SORCS1: variants seen among roughly 807,000 people sequenced by gnomAD.
The protein encoded by SORCS1 is VPS10 domain-containing receptor SorCS1.
SORCS1 carries 60 observed loss-of-function variants against 146.1 expected under a neutral mutation model. The ratio of observed to expected loss-of-function variants is 0.41; its 90% CI spans 0.33 to 0.51. The LOEUF is 0.51. Ranked by LOEUF, SORCS1 falls within the 20% of genes least tolerant of loss-of-function variation. SORCS1 has a pLI of 0.21. For synonymous variants in SORCS1, 637 were observed against 584.0 expected, an observed-to-expected ratio of 1.09 and a Z score of -1.31; for missense variants, 1,352 against 1,487.6, an observed-to-expected ratio of 0.91 and a Z score of 1.50.
chr10:106,777,316 T>C (rs569883434), intron 3 of SORCS1, among the ~76,000 whole-genome samples: 2 of 152,342 alleles, frequency 1.3e-5, no homozygotes, highest in East Asian at 3.9e-4. Flanking sequence ...TTGTTTCTTG[T>C]CTATATAACC....
At chr10:106,848,924 T>C (rs1383214663) in intron 2 of SORCS1, among the ~76,000 whole-genome samples, 2 of 150,276 alleles carry the variant, frequency 1.3e-5, no homozygotes, top group Non-Finnish European at 3.0e-5. Flanking sequence ...CCCACTCTCT[T>C]CTGGCTTGTA....
intron 1 of SORCS1, among the ~76,000 whole-genome samples, chr10:107,057,277 G>A (rs546792660): frequency 2.0e-5 from 3 of 152,206 alleles, no homozygotes; most frequent in East Asian, 3.9e-4. Context: ...CTTACAAGGG[G>A]CCATCATTAT....
At chr10:106,946,821 CT>C (rs1954369537) in intron 2 of SORCS1, among the ~76,000 whole-genome samples, 1 of 152,190 alleles carries the variant, frequency 6.6e-6, no homozygotes, top group African/African-American at 2.4e-5. Context: ...CAATTATTTA[CT>C]TATATGCTTA....
At chr10:106,620,356 C>T in intron 20 of SORCS1, 72 bp downstream of exon 20, 1 of 1,547,686 alleles carries the variant, frequency 6.5e-7, no homozygotes, top group Non-Finnish European at 8.8e-7. Context: ...TAAGCCATTT[C>T]ATTCCCTCCT....
Position 106,858,841 on chromosome 10 carries a change from G to A in SORCS1, c.627-29168C>T, listed in dbSNP as rs560147896. ...TTCATCTTTTTAGGAGCAAATTGGA[G>A]TACTATCCTTCACTAGATGATGTCC... On this transcript the variant is annotated intron_variant, in intron 2 of 25. Transcript: ENST00000263054. Among the ~76,000 whole-genome samples, 3 of 152,286 alleles carry A rather than the reference G, an allele frequency of 2.0e-5. No homozygotes were observed. In the East Asian group the frequency reaches 5.8e-4, roughly 29 times the overall value.
intron 1 of SORCS1, among the ~76,000 whole-genome samples, chr10:107,143,415 C>A (rs939533366): frequency 6.6e-6 from 1 of 152,148 alleles, no homozygotes; most frequent in Admixed American, 6.5e-5. Flanking sequence ...GCAACTTACA[C>A]CTCCAGGGCT....
In SORCS1 at chr10:106,607,193, G is replaced by A; in HGVS notation, c.3138C>T (p.Asn1046=). 2 of 1,614,070 alleles carry A rather than the reference G, an allele frequency of 1.2e-6. No individual in the cohort carries two copies. The highest frequency in any genetic ancestry group is 1.1e-5 in the South Asian group (1 of 91,074). The change falls in exon 23 of 26, where the codon AAC becomes AAT. Residue 1046 remains asparagine (N), a synonymous_variant. Transcript: ENST00000263054. The part of the protein sequence containing the change: ...VLPYQDPAGE[N]KRSTDDLEQI... Reference sequence around the variant, plus strand: ...GCTCCAGGTCATCAGTTGACCTTTTGTTTTCTCCAGCTGGATCCTGATAGG... The same window carrying A: ...GCTCCAGGTCATCAGTTGACCTTTTATTTTCTCCAGCTGGATCCTGATAGG...
intron 3 of SORCS1, among the ~76,000 whole-genome samples, chr10:106,810,058 T>C (rs571511378): frequency 6.6e-6 from 1 of 152,118 alleles, no homozygotes; most frequent in Non-Finnish European, 1.5e-5. Flanking sequence ...CCGTCTCTAC[T>C]ACAAATACAA....
chr10:106,743,984 G>A (rs943292344), intron 5 of SORCS1, among the ~76,000 whole-genome samples: 12 of 151,966 alleles, frequency 7.9e-5, no homozygotes, highest in Admixed American at 3.3e-4. Context: ...CGAACACAGC[G>A]TAACACACGA....
intron 2 of SORCS1, among the ~76,000 whole-genome samples, chr10:106,863,860 A>G (rs1184543537): frequency 6.6e-6 from 1 of 151,466 alleles, no homozygotes; most frequent in East Asian, 1.9e-4. Flanking sequence ...TGCCAGTCCC[A>G]TCTCACAATC....
At chr10:106,616,339 T>C (rs540669023) in intron 21 of SORCS1, among the ~76,000 whole-genome samples, 1 of 152,078 alleles carries the variant, frequency 6.6e-6, no homozygotes, top group African/African-American at 2.4e-5. Context: ...TGAAAATAAA[T>C]GAGAATCAGT....
At chr10:106,879,240 C>A (rs1202665912) in intron 2 of SORCS1, among the ~76,000 whole-genome samples, 1 of 152,140 alleles carries the variant, frequency 6.6e-6, no homozygotes, top group Non-Finnish European at 1.5e-5. Context: ...GACCACACTG[C>A]TCACGGAACT....
At chr10:107,178,319 T>C in the SORCS1 span, among the ~76,000 whole-genome samples, 4 of 152,198 alleles carry the variant, frequency 2.6e-5, no homozygotes, top group South Asian at 8.3e-4. Context: ...CTGATAACTA[T>C]AATTCTACTC....
chr10:106,675,794 G>A, intron 13 of SORCS1, among the ~76,000 whole-genome samples: 1 of 152,164 alleles, frequency 6.6e-6, no homozygotes, highest in East Asian at 1.9e-4. Flanking sequence ...GAGGTGATTA[G>A]ATCCTAAGGG....
chr10:106,835,194 T>C (rs897664638), intron 2 of SORCS1, among the ~76,000 whole-genome samples: 7 of 152,186 alleles, frequency 4.6e-5, no homozygotes, highest in East Asian at 1.9e-4. Context: ...AGGATCAGTA[T>C]AGGATACAGC....
At chr10:106,955,761 C>T (rs1307300816) in intron 2 of SORCS1, among the ~76,000 whole-genome samples, 9 of 151,996 alleles carry the variant, frequency 5.9e-5, no homozygotes, top group Non-Finnish European at 1.5e-5. Context: ...CTGAGGCCAG[C>T]CGGCAGATCA....
intron 5 of SORCS1, among the ~76,000 whole-genome samples, chr10:106,731,026 T>C (rs61285231): frequency 0.015 from 2,314 of 152,146 alleles, 63 homozygotes; most frequent in African/African-American, 0.053. Context: ...TACTTATCCC[T>C]GGGCCGGGCG....
rs181858421 is a variant in SORCS1 at position 106,930,614 on chromosome 10, C to T, written c.626+25899G>A. 3.6e-4 allele frequency among the ~76,000 whole-genome samples: 55 copies of T among 152,324 alleles called. 1 individual carries two copies. The highest frequency in any genetic ancestry group is 3.4e-3 in the Middle Eastern group (1 of 294). On this transcript the variant is annotated intron_variant, in intron 2 of 25. Coordinates refer to ENST00000263054, the MANE Select transcript of SORCS1 (RefSeq NM_052918.5). ...CCAGCTCACAGGCACAACACCAACA[C>T]AGGAGGGCTTTATAACATCGCATGC...
chr10:106,868,830 T>C (rs1044397877), intron 2 of SORCS1, among the ~76,000 whole-genome samples: 1 of 151,968 alleles, frequency 6.6e-6, no homozygotes, highest in Non-Finnish European at 1.5e-5. Context: ...AGGCAAGAAA[T>C]AACCAAAATC....
Sources: allele counts gnomAD v4.1 joint callset (sites outside exome capture counted in the v4.1 genomes callset), GRCh38; gene constraint gnomAD v4.1.1; transcripts MANE v1.5; gene names NCBI Gene and HGNC (gene_info 2026-07-23, HGNC 2026-07-21).